PTPRD: variants seen among roughly 807,000 people sequenced by gnomAD.
The protein encoded by PTPRD is protein tyrosine phosphatase receptor type D, also known as receptor-type tyrosine-protein phosphatase delta.
PTPRD carries 34 observed loss-of-function variants against 214.5 expected under a neutral mutation model. The observed-to-expected ratio is 0.16, with a 90% CI of 0.12 to 0.21. The LOEUF (loss-of-function observed/expected upper bound fraction) is 0.21. PTPRD is among the 10% of genes least tolerant of loss of function. The pLI is 1.00. For synonymous variants in PTPRD, 1,128 were observed against 845.7 expected (o/e 1.33, Z -5.79); for missense variants, 2,545 against 2,398.7 (o/e 1.06, Z -1.27).
intron 10 of PTPRD, among the ~76,000 whole-genome samples, chr9:9,176,767 G>C (rs563029956): frequency 6.6e-6 from 1 of 152,110 alleles, no homozygotes; most frequent in East Asian, 1.9e-4. Flanking sequence ...TCTGCCATGG[G>C]ATGAGGCCCT....
chr9:8,374,598 C>T (rs2082665771), intron 39 of PTPRD, among the ~76,000 whole-genome samples: 1 of 151,980 alleles, frequency 6.6e-6, no homozygotes, highest in African/African-American at 2.4e-5. Context: ...GTTATCAGTA[C>T]TTGAAGCAAA....
At chr9:10,016,174 C>T (rs2096708069) in intron 4 of PTPRD, among the ~76,000 whole-genome samples, 1 of 152,100 alleles carries the variant, frequency 6.6e-6, no homozygotes, top group African/African-American at 2.4e-5. Context: ...TGTATATGTA[C>T]ATTTGTTATT....
chr9:10,185,485 C>T (rs1196326499), intron 3 of PTPRD, among the ~76,000 whole-genome samples: 1 of 152,164 alleles, frequency 6.6e-6, no homozygotes, highest in Non-Finnish European at 1.5e-5. Context: ...ATTCTAGGCA[C>T]TTCACATATA....
chr9:9,522,315 T>C (rs1355511855), intron 8 of PTPRD, among the ~76,000 whole-genome samples: 1 of 152,174 alleles, frequency 6.6e-6, no homozygotes. Flanking sequence ...TAAAGTTTCA[T>C]TTCTAGCTAA....
At chr9:8,482,408 T>C (rs10117986) in intron 30 of PTPRD, among the ~76,000 whole-genome samples, 49,513 of 151,612 alleles carry the variant, frequency 0.33, 8,240 homozygotes, top group African/African-American at 0.41. Context: ...CACCTCCCAA[T>C]AATTTTCTCT....
intron 5 of PTPRD, among the ~76,000 whole-genome samples, chr9:9,862,991 G>C (rs1369050545): frequency 6.6e-6 from 1 of 152,090 alleles, no homozygotes; most frequent in Non-Finnish European, 1.5e-5. Context: ...TAATATAGGA[G>C]ACTTAAGAAC....
intron 2 of PTPRD, among the ~76,000 whole-genome samples, chr9:10,490,270 T>C (rs139253614): frequency 2.6e-5 from 4 of 152,198 alleles, no homozygotes; most frequent in African/African-American, 9.6e-5. Flanking sequence ...AAAAGCAGTG[T>C]GTGATAATAA....
chr9:8,382,592 C>A (rs1176922411), intron 37 of PTPRD, among the ~76,000 whole-genome samples: 1 of 152,166 alleles, frequency 6.6e-6, no homozygotes, highest in Non-Finnish European at 1.5e-5. Flanking sequence ...TGGTGGGATT[C>A]TTTCTCTTTT....
At chr9:8,961,529 C>T (rs1459930172) in intron 11 of PTPRD, among the ~76,000 whole-genome samples, 1 of 152,112 alleles carries the variant, frequency 6.6e-6, no homozygotes, top group Non-Finnish European at 1.5e-5. Flanking sequence ...TGAGCATGCC[C>T]TGTGCTCTGA....
At chr9:9,757,895 C>A (rs1272021038) in intron 6 of PTPRD, among the ~76,000 whole-genome samples, 1 of 152,060 alleles carries the variant, frequency 6.6e-6, no homozygotes, top group Non-Finnish European at 1.5e-5. Context: ...TCCTTCTTTG[C>A]ACATTGTGGA....
At chr9:10,566,460 A>G (rs112401551) in intron 2 of PTPRD, among the ~76,000 whole-genome samples, 5,082 of 152,106 alleles carry the variant, frequency 0.033, 282 homozygotes, top group African/African-American at 0.12. Context: ...ACTAACCTGG[A>G]ATGTAATTTT....
intron 5 of PTPRD, among the ~76,000 whole-genome samples, chr9:9,887,937 C>T (rs1338785009): frequency 6.6e-6 from 1 of 152,066 alleles, no homozygotes. Context: ...ATAATACACT[C>T]ACATGAAAAA....
intron 11 of PTPRD, among the ~76,000 whole-genome samples, chr9:8,947,506 G>T (rs1366956257): frequency 1.3e-5 from 2 of 151,146 alleles, no homozygotes; most frequent in Non-Finnish European, 3.0e-5. Context: ...AAGTTACTAT[G>T]GTAAGGTCTG....
intron 10 of PTPRD, among the ~76,000 whole-genome samples, chr9:9,083,231 C>G (rs541059011): frequency 1.3e-5 from 2 of 152,060 alleles, no homozygotes; most frequent in Non-Finnish European, 2.9e-5. Flanking sequence ...AGAACCCAGG[C>G]CGCAGAAATA....
chr9:9,127,026 G>C lies in PTPRD; in HGVS notation c.-143+56278C>G, dbSNP rs1037472902. On this transcript the variant is annotated intron_variant, in intron 10 of 45. Transcript: ENST00000381196. ...CACAGGTACACACACACACACTCAG[G>C]CTGGGACCATGTACACATGCACAAG... is the stretch of plus-strand genomic sequence containing the variant. 5.3e-5 allele frequency among the ~76,000 whole-genome samples: 8 copies of C among 150,366 alleles called. No homozygotes were observed. In the East Asian group the frequency reaches 1.6e-3, roughly 29 times the overall value.
chr9:10,373,957 C>T (rs2097679957), intron 2 of PTPRD, among the ~76,000 whole-genome samples: 1 of 152,018 alleles, frequency 6.6e-6, no homozygotes, highest in African/African-American at 2.4e-5. Context: ...CAATCACAGG[C>T]ATATCTACCT....
rs57588808 is a variant in PTPRD, at chr9:8,674,456, C to CAA, written c.65-37614_65-37613dup. 1.3e-3 allele frequency among the ~76,000 whole-genome samples: 78 copies of CAA among 62,336 alleles called. 2 individuals are homozygous for CAA. Among genetic ancestry groups the CAA allele is most frequent in the Middle Eastern group, 0.015 (1 of 68 alleles). The allele number at this position is 62,336 out of a possible 152,430, so 40.9% of individuals were successfully genotyped here. ...CTGGTGGCAGAGCAAGACGCTGTCT[C>CAA]AAAAAAAAAAAAAAAAAAAAAAAAA... On this transcript the variant is annotated intron_variant, in intron 12 of 45. Coordinates refer to ENST00000381196, the MANE Select transcript of PTPRD (RefSeq NM_002839.4).
intron 11 of PTPRD, among the ~76,000 whole-genome samples, chr9:8,747,061 A>G (rs1457202331): frequency 6.6e-6 from 1 of 152,220 alleles, no homozygotes; most frequent in Non-Finnish European, 1.5e-5. Context: ...TTAAAATGCC[A>G]TCTTTTTAAG....
chr9:8,780,994 A>G (rs1227493956), intron 11 of PTPRD, among the ~76,000 whole-genome samples: 1 of 152,188 alleles, frequency 6.6e-6, no homozygotes, highest in Non-Finnish European at 1.5e-5. Flanking sequence ...CAGGGGAGCT[A>G]TTACACTCTG....
Sources: allele counts gnomAD v4.1 joint callset (sites outside exome capture counted in the v4.1 genomes callset), GRCh38; gene constraint gnomAD v4.1.1; transcripts MANE v1.5; gene names NCBI Gene and HGNC (gene_info 2026-07-23, HGNC 2026-07-21).